Variants in PRKACB observed in about 807,000 individuals in gnomAD.
The protein encoded by PRKACB is cAMP-dependent protein kinase catalytic subunit beta.
A neutral mutation model predicts 51.4 loss-of-function variants in PRKACB; 16 were observed. The observed-to-expected ratio is 0.31, with a 90% CI of 0.21 to 0.47. The LOEUF (loss-of-function observed/expected upper bound fraction) is 0.47, where lower values mean the gene tolerates loss of function less well. PRKACB is among the 20% of genes least tolerant of loss of function. PRKACB has a pLI of 1.00. For missense variants in PRKACB, 309 were observed against 464.5 expected (o/e 0.67, Z 3.08); for synonymous variants, 147 against 154.4 (o/e 0.95, Z 0.35).
chr1:84,153,097 G>A (rs899445440), intron 1 of PRKACB, among the ~76,000 whole-genome samples: 3 of 152,030 alleles, frequency 2.0e-5, no homozygotes, highest in Admixed American at 6.6e-5. Flanking sequence ...AAGGCCCAAG[G>A]AGAGGGAGAG....
chr1:84,159,237 T>G (rs1655890371), intron 1 of PRKACB, among the ~76,000 whole-genome samples: 1 of 152,124 alleles, frequency 6.6e-6, no homozygotes, highest in Non-Finnish European at 1.5e-5. Flanking sequence ...TAGAGAATTG[T>G]TATTTTAACA....
At chr1:84,204,580 C>T in intron 8 of PRKACB, 1 of 1,466,196 alleles carries the variant, frequency 6.8e-7, no homozygotes, top group South Asian at 1.5e-5. Context: ...CTCAAGAGGA[C>T]TAAAGGTCAT....
chr1:84,194,158 T>A (rs1667563720), intron 5 of PRKACB, among the ~76,000 whole-genome samples: 1 of 152,188 alleles, frequency 6.6e-6, no homozygotes, highest in Non-Finnish European at 1.5e-5. Flanking sequence ...TATTGCCTTA[T>A]GGTTATTTAA....
At chr1:84,218,290 A>G (rs1673164479) in intron 9 of PRKACB, among the ~76,000 whole-genome samples, 1 of 152,110 alleles carries the variant, frequency 6.6e-6, no homozygotes, top group Admixed American at 6.6e-5. Flanking sequence ...TCAGTACCTT[A>G]GTTCTCTTCA....
chr1:84,138,971 A>G (rs1410742642), intron 1 of PRKACB, among the ~76,000 whole-genome samples: 1 of 152,180 alleles, frequency 6.6e-6, no homozygotes, highest in East Asian at 1.9e-4. Context: ...CACATTAGGT[A>G]AAATTCAGCA....
intron 9 of PRKACB, among the ~76,000 whole-genome samples, chr1:84,229,306 C>A (rs1675189843): frequency 4.5e-5 from 1 of 22,182 alleles, no homozygotes; most frequent in Non-Finnish European, 1.0e-4. Flanking sequence ...GTATATGTGC[C>A]ACATTTTCTT....
chr1:84,185,351 G>T (rs541689180), intron 5 of PRKACB, among the ~76,000 whole-genome samples, 169 bp downstream of exon 5: 15 of 151,706 alleles, frequency 9.9e-5, no homozygotes, highest in African/African-American at 3.4e-4. Context: ...TTAATATAAA[G>T]AATATAAAAA....
chr1:84,124,578 C>G (rs1376811809), intron 1 of PRKACB, among the ~76,000 whole-genome samples: 5 of 152,186 alleles, frequency 3.3e-5, no homozygotes, highest in African/African-American at 1.2e-4. Context: ...CTATAGCCCC[C>G]TACCTTCACC....
At chr1:84,124,019 C>A (rs1235896850) in intron 1 of PRKACB, among the ~76,000 whole-genome samples, 1 of 151,974 alleles carries the variant, frequency 6.6e-6, no homozygotes, top group Non-Finnish European at 1.5e-5. Context: ...AATAAAGGGC[C>A]TTTATTTCTG....
chr1:84,086,436 G>A (rs1295634968), intron 1 of PRKACB, among the ~76,000 whole-genome samples: 2 of 151,976 alleles, frequency 1.3e-5, no homozygotes, highest in Non-Finnish European at 2.9e-5. Context: ...CATGCCTTTC[G>A]TCCCCTCCCT....
chr1:84,197,051 T>C (rs1668428237), intron 6 of PRKACB, among the ~76,000 whole-genome samples: 1 of 152,192 alleles, frequency 6.6e-6, no homozygotes, highest in African/African-American at 2.4e-5. Context: ...TATTATTTCT[T>C]TAATCCTGAT....
At chr1:84,090,666 A>G (rs1282409157) in intron 1 of PRKACB, among the ~76,000 whole-genome samples, 1 of 152,140 alleles carries the variant, frequency 6.6e-6, no homozygotes, top group Non-Finnish European at 1.5e-5. Context: ...CTTGGGCCCC[A>G]TATCATGTGG....
chr1:84,215,074 G>A (rs1273612801), intron 9 of PRKACB, among the ~76,000 whole-genome samples: 3 of 152,114 alleles, frequency 2.0e-5, no homozygotes, highest in Admixed American at 1.3e-4. Flanking sequence ...CCTTCTTGTG[G>A]CATATTGGTC....
At chr1:84,167,211 T>C (rs1288969657) in intron 1 of PRKACB, among the ~76,000 whole-genome samples, 1 of 151,572 alleles carries the variant, frequency 6.6e-6, no homozygotes, top group African/African-American at 2.4e-5. Context: ...CCAGGCCATT[T>C]TCCACACTGA....
intron 9 of PRKACB, among the ~76,000 whole-genome samples, chr1:84,232,778 C>A (rs1222932209): frequency 2.0e-5 from 3 of 152,028 alleles, no homozygotes. Flanking sequence ...GATCTTCCTC[C>A]ATCCTTTTAT....
intron 1 of PRKACB, among the ~76,000 whole-genome samples, chr1:84,081,254 C>T (rs1231887195): frequency 6.6e-6 from 1 of 152,078 alleles, no homozygotes; most frequent in Non-Finnish European, 1.5e-5. Flanking sequence ...CTATCTGGTG[C>T]CTGTATTGTA....
At chr1:84,226,279 T>G (rs1002793144) in intron 9 of PRKACB, among the ~76,000 whole-genome samples, 1 of 151,236 alleles carries the variant, frequency 6.6e-6, no homozygotes, top group Non-Finnish European at 1.5e-5. Context: ...TTTTTGTTTT[T>G]TTTTTTGGTC....
intron 5 of PRKACB, among the ~76,000 whole-genome samples, chr1:84,188,275 T>C (rs1665764137): frequency 6.6e-6 from 1 of 152,024 alleles, no homozygotes; most frequent in African/African-American, 2.4e-5. Context: ...TTTAATTTCA[T>C]GTAATTTTTG....
At chr1:84,125,010 G>T (rs182106258) in intron 1 of PRKACB, among the ~76,000 whole-genome samples, 24 of 152,286 alleles carry the variant, frequency 1.6e-4, no homozygotes, top group Admixed American at 9.1e-4. Context: ...TAAGTCTTGT[G>T]TTAATTTTCT....
Sources: allele counts gnomAD v4.1 joint callset (sites outside exome capture counted in the v4.1 genomes callset), GRCh38; gene constraint gnomAD v4.1.1; transcripts MANE v1.5; gene names NCBI Gene and HGNC (gene_info 2026-07-23, HGNC 2026-07-21).